The following NCOA1 variants were observed in gnomAD, a reference collection of about 807,000 sequenced individuals.
The protein encoded by NCOA1 is Hin-2 protein.
NCOA1 carries 35 observed loss-of-function variants against 150.9 expected under a neutral mutation model. The ratio of observed to expected loss-of-function variants is 0.23; its 90% CI spans 0.18 to 0.31. The LOEUF is 0.31. Among genes scored for constraint, NCOA1 ranks in the 10% least tolerant of loss-of-function variants. The pLI, the probability that NCOA1 is intolerant of heterozygous loss-of-function variation, is 1.00. For synonymous variants in NCOA1, 590 were observed against 630.0 expected, an observed-to-expected ratio of 0.94 and a Z score of 0.95; for missense variants, 1,491 against 1,749.3, an observed-to-expected ratio of 0.85 and a Z score of 2.63.
intron 1 of NCOA1, among the ~76,000 whole-genome samples, chr2:24,497,530 G>A (rs1439731711): frequency 6.6e-6 from 1 of 152,120 alleles, no homozygotes; most frequent in African/African-American, 2.4e-5. Flanking sequence ...AAAATAGCCG[G>A]GTGTGGTGGC....
Position 24,768,423 on chromosome 2 carries a change from TAGAC to T in NCOA1, c.*34_*37del. The T allele has an allele frequency of 6.6e-7, 1 of 1,511,614 alleles. No homozygotes were observed. Among genetic ancestry groups the T allele is most frequent in the Non-Finnish European group, 9.0e-7 (1 of 1,115,872 alleles). The allele number at this position is 1,511,614 out of a possible 1,614,324, so 93.6% of individuals were successfully genotyped here. A position where few individuals can be genotyped will look rare whatever the true frequency, so the allele number is the denominator to read the frequency against. ...TTAAAGGAATGTGAAATTTAAATAA[TAGAC>T]ATACAGAGATATACAAATATATTAT... On this transcript the variant is annotated 3_prime_UTR_variant, in exon 23 of 23. Coordinates refer to ENST00000348332, the MANE Select transcript of NCOA1 (RefSeq NM_003743.5).
intron 3 of NCOA1, among the ~76,000 whole-genome samples, chr2:24,620,753 T>C (rs1411565210): frequency 6.6e-6 from 1 of 152,254 alleles, no homozygotes; most frequent in Non-Finnish European, 1.5e-5. Flanking sequence ...TTTGATTTTA[T>C]ACAAATGTGT....
chr2:24,683,594 A>G (rs1409571554), intron 8 of NCOA1, among the ~76,000 whole-genome samples: 1 of 152,204 alleles, frequency 6.6e-6, no homozygotes, highest in Non-Finnish European at 1.5e-5. Flanking sequence ...CCTAGCTGAG[A>G]GGATGGATGG....
intron 1 of NCOA1, among the ~76,000 whole-genome samples, 50 bp downstream of exon 1, chr2:24,491,652 C>G (rs1265269663): frequency 1.3e-5 from 2 of 150,098 alleles, no homozygotes; most frequent in African/African-American, 2.4e-5. Context: ...GCAGCTGTCA[C>G]GAGCCGCGCG....
At chr2:24,522,546 C>T (rs1558763190) in intron 1 of NCOA1, among the ~76,000 whole-genome samples, 1 of 152,190 alleles carries the variant, frequency 6.6e-6, no homozygotes, top group East Asian at 1.9e-4. Flanking sequence ...GAGCGTACAC[C>T]AGAGTGTACA....
chr2:24,767,054 G>A (rs182835934), intron 22 of NCOA1, among the ~76,000 whole-genome samples: 6 of 152,298 alleles, frequency 3.9e-5, no homozygotes, highest in African/African-American at 1.2e-4. Context: ...AGGAAGGAAA[G>A]TGGAGATATA....
intron 2 of NCOA1, among the ~76,000 whole-genome samples, chr2:24,565,321 T>C (rs533376038): frequency 1.3e-5 from 2 of 152,340 alleles, no homozygotes; most frequent in Admixed American, 6.5e-5. Flanking sequence ...TTTTTCCAAA[T>C]AGGCAGAAAG....
At chr2:24,639,916 G>GCATATA (rs1670112846) in intron 3 of NCOA1, among the ~76,000 whole-genome samples, 1 of 29,738 alleles carries the variant, frequency 3.4e-5, no homozygotes, top group African/African-American at 6.5e-5. Context: ...ATGTGTGTGT[G>GCATATA]TATATATATA....
intron 3 of NCOA1, among the ~76,000 whole-genome samples, chr2:24,592,630 G>C (rs1667707339): frequency 8.2e-6 from 1 of 121,802 alleles, no homozygotes; most frequent in Non-Finnish European, 1.7e-5. Context: ...AGTAACCATG[G>C]TTTCTTGTAG....
chr2:24,495,464 T>G (rs1192181997), intron 1 of NCOA1, among the ~76,000 whole-genome samples: 3 of 152,168 alleles, frequency 2.0e-5, no homozygotes, highest in Non-Finnish European at 4.4e-5. Context: ...CTTGGATATA[T>G]TTTGTTCTTA....
intron 4 of NCOA1, among the ~76,000 whole-genome samples, chr2:24,646,637 C>T (rs918270487): frequency 1.3e-5 from 2 of 151,572 alleles, no homozygotes; most frequent in Admixed American, 6.6e-5. Context: ...TGTCTGTTTC[C>T]ACCTATTTCC....
chr2:24,667,362 T>C (rs1385114390), intron 6 of NCOA1, among the ~76,000 whole-genome samples: 2 of 151,640 alleles, frequency 1.3e-5, no homozygotes, highest in African/African-American at 4.9e-5. Flanking sequence ...GATCCTCAAA[T>C]GAAAAAATTC....
rs181213111 is a variant in NCOA1, at chr2:24,567,837, G to A, written c.-260+3407G>A. 7.2e-5 allele frequency among the ~76,000 whole-genome samples: 11 copies of A among 152,086 alleles called. No homozygotes were observed. In the East Asian group the frequency reaches 9.7e-4, roughly 13 times the overall value. On this transcript the variant is annotated intron_variant, in intron 2 of 22. Coordinates refer to ENST00000348332, the MANE Select transcript of NCOA1 (RefSeq NM_003743.5). ...ATGATCTTGGCTCACTGCAACCTCCGCCTCCTGGGTTCAAGCAATTCTCCT... is the reference window on the plus strand; with the variant it reads ...ATGATCTTGGCTCACTGCAACCTCCACCTCCTGGGTTCAAGCAATTCTCCT...
chr2:24,684,069 G>A (rs1672294152), intron 8 of NCOA1, among the ~76,000 whole-genome samples: 3 of 152,132 alleles, frequency 2.0e-5, no homozygotes, highest in African/African-American at 7.2e-5. Context: ...ATACCGTTTA[G>A]TATGGGAACT....
intron 1 of NCOA1, among the ~76,000 whole-genome samples, chr2:24,508,879 A>G (rs1663815586): frequency 6.6e-6 from 1 of 152,206 alleles, no homozygotes; most frequent in Admixed American, 6.5e-5. Flanking sequence ...AGTTGTTGGT[A>G]TCACTATTGG....
intron 3 of NCOA1, among the ~76,000 whole-genome samples, chr2:24,592,790 A>G (rs1667713511): frequency 1.3e-5 from 2 of 152,032 alleles, no homozygotes; most frequent in Admixed American, 6.6e-5. Context: ...ATAAAGTGAA[A>G]TGTTCTCTGT....
chr2:24,584,258 A>G lies in NCOA1; in HGVS notation c.-259-218A>G, dbSNP rs1464570438. Among the ~76,000 whole-genome samples, 10 of 152,194 alleles carry G rather than the reference A, an allele frequency of 6.6e-5. No individual in the cohort carries two copies. In the East Asian group the frequency reaches 1.9e-3, roughly 29 times the overall value. Reference sequence around the variant, plus strand: ...TTAATTATCTATATTCCATTTTATTAAAATATATACAATTTTGTTTTTGTT... The same window carrying G: ...TTAATTATCTATATTCCATTTTATTGAAATATATACAATTTTGTTTTTGTT... On this transcript the variant is annotated intron_variant, in intron 2 of 22. Coordinates refer to ENST00000348332, the MANE Select transcript of NCOA1 (RefSeq NM_003743.5).
At chr2:24,627,268 T>C (rs1276900290) in intron 3 of NCOA1, among the ~76,000 whole-genome samples, 1 of 152,004 alleles carries the variant, frequency 6.6e-6, no homozygotes, top group African/African-American at 2.4e-5. Flanking sequence ...TAATTAAACT[T>C]TGCATCCCCC....
chr2:24,654,805 C>T lies in NCOA1; in HGVS notation c.-17-3856C>T, dbSNP rs533025254. Among the ~76,000 whole-genome samples the T allele has an allele frequency of 8.5e-5, 13 of 152,100 alleles. No homozygotes were observed. The East Asian group carries it at 1.5e-3, about 18-fold the overall frequency. On this transcript the variant is annotated intron_variant, in intron 4 of 22. Transcript: ENST00000348332. ...CACCTCTTTCATGTTTCTCAAAAAG[C>T]AGTTATGCTCCTGCTTTAAGGTCCT...
Sources: allele counts gnomAD v4.1 joint callset (sites outside exome capture counted in the v4.1 genomes callset), GRCh38; gene constraint gnomAD v4.1.1; transcripts MANE v1.5; gene names NCBI Gene and HGNC (gene_info 2026-07-23, HGNC 2026-07-21).